Variants in SLC17A6 observed in about 807,000 individuals in gnomAD.
SLC17A6 encodes vesicular glutamate transporter 2.
Under a neutral mutation model 67.1 loss-of-function variants are expected in SLC17A6, and 35 were observed. That is an observed-to-expected ratio of 0.52 (90% CI 0.40 to 0.69). The LOEUF is 0.69. SLC17A6 is among the 30% of genes least tolerant of loss of function. The pLI, the probability that SLC17A6 is intolerant of heterozygous loss-of-function variation, is 0.00. For missense variants in SLC17A6, 588 were observed against 723.9 expected, an observed-to-expected ratio of 0.81 and a Z score of 2.15; for synonymous variants, 285 against 252.3, an observed-to-expected ratio of 1.13 and a Z score of -1.23.
intron 5 of SLC17A6, among the ~76,000 whole-genome samples, chr11:22,362,535 G>T (rs1856064918): frequency 6.6e-6 from 1 of 152,098 alleles, no homozygotes; most frequent in African/African-American, 2.4e-5. Context: ...GTAGGAGGTA[G>T]GTGTTATCCA....
intron 8 of SLC17A6, among the ~76,000 whole-genome samples, chr11:22,371,280 G>C (rs1177566450): frequency 6.6e-6 from 1 of 151,994 alleles, no homozygotes; most frequent in Non-Finnish European, 1.5e-5. Context: ...CATTACATAA[G>C]TCCAGCTGGG....
At chr11:22,355,586 C>A (rs1479483247) in intron 3 of SLC17A6, among the ~76,000 whole-genome samples, 1 of 152,104 alleles carries the variant, frequency 6.6e-6, no homozygotes, top group Non-Finnish European at 1.5e-5. Flanking sequence ...CAATAATCTC[C>A]AAGATGTCAC....
At chr11:22,376,488 T>C in intron 10 of SLC17A6, 57 bp from the exon 11 acceptor site, 1 of 1,602,702 alleles carries the variant, frequency 6.2e-7, no homozygotes, top group Non-Finnish European at 8.5e-7. Context: ...GTTCTATAGG[T>C]ATTTACTTCT....
At chr11:22,344,294 A>AT (rs762878427) in intron 3 of SLC17A6, among the ~76,000 whole-genome samples, 1 of 152,112 alleles carries the variant, frequency 6.6e-6, no homozygotes, top group Non-Finnish European at 1.5e-5. Flanking sequence ...CAAAACTCAC[A>AT]TTTTAAAGGA....
In SLC17A6 at chr11:22,376,077, G is replaced by A. The variant is rs1278267773; in HGVS notation, c.1270G>A (p.Gly424Arg). 6.2e-7 allele frequency: 1 copy of A among 1,610,092 alleles called. No individual in the cohort carries two copies. Among genetic ancestry groups the A allele is most frequent in the African/African-American group, 1.3e-5 (1 of 74,818 alleles). Residue 424 changes from glycine to arginine, a missense_variant, in exon 10 of 12, where the codon GGA becomes AGA. By Grantham distance (125) the Gly-to-Arg change is moderately radical (BLOSUM62 -2). Coordinates refer to ENST00000263160, the MANE Select transcript of SLC17A6 (RefSeq NM_020346.3). ...CTTGGTACTTGCAGTGGGATTCAGTGGATTTGCTATATCTGGTAAGATATA... is the reference window on the plus strand; with the variant it reads ...CTTGGTACTTGCAGTGGGATTCAGTAGATTTGCTATATCTGGTAAGATATA... ...SFLVLAVGFSGFAISGFNVNH... is the reference protein window; with the variant it reads ...SFLVLAVGFSRFAISGFNVNH...
At position 22,374,066 on chromosome 11, in the gene SLC17A6, C is replaced by T. The variant is rs190146576; in HGVS notation, c.1042-689C>T. Among the ~76,000 whole-genome samples the T allele has an allele frequency of 2.2e-3, 340 of 152,036 alleles. 3 individuals carry two copies. The highest frequency in any genetic ancestry group is 7.6e-3 in the African/African-American group (314 of 41,460). ...ATGCATTTTATGTATACTTACTGTC[C>T]CCATAATGCTTACAACACAGTGCTT... On this transcript the variant is annotated intron_variant, in intron 8 of 11. Transcript: ENST00000263160.
Position 22,359,497 on chromosome 11 carries a change from C to A in SLC17A6, c.543C>A (p.Ile181=), listed in dbSNP as rs1248717208. The change falls in exon 4 of 12, where the codon ATC becomes ATA. Residue 181 remains isoleucine (I), a synonymous_variant. Coordinates refer to ENST00000263160, the MANE Select transcript of SLC17A6 (RefSeq NM_020346.3). ...CCAGAGTGCATTATGGATGTGTCATCTTTGTCAGAATACTGCAGGGACTTG... is the reference window on the plus strand; with the variant it reads ...CCAGAGTGCATTATGGATGTGTCATATTTGTCAGAATACTGCAGGGACTTG... ...SAARVHYGCV[I]FVRILQGLVE... 37 of 1,607,446 alleles carry A rather than the reference C, an allele frequency of 2.3e-5. No individual in the cohort carries two copies. The highest frequency in any genetic ancestry group is 3.0e-5 in the Non-Finnish European group (35 of 1,176,588).
intron 3 of SLC17A6, among the ~76,000 whole-genome samples, chr11:22,346,861 A>G (rs989957315): frequency 6.1e-5 from 9 of 148,432 alleles, no homozygotes; most frequent in African/African-American, 1.5e-4. Context: ...ATAAATATAC[A>G]TTTTTTTTGC....
chr11:22,347,172 A>G (rs549368373), intron 3 of SLC17A6, among the ~76,000 whole-genome samples: 1 of 151,824 alleles, frequency 6.6e-6, no homozygotes, highest in African/African-American at 2.4e-5. Context: ...CTAGTATCTC[A>G]GAGAGTACCT....
Position 22,365,615 on chromosome 11 carries a change from A to G in SLC17A6, c.817A>G (p.Thr273Ala), listed in dbSNP as rs570403497. 1.9e-6 allele frequency: 3 copies of G among 1,613,982 alleles called. No individual in the cohort carries two copies. The East Asian group carries it at 6.7e-5, about 36-fold the overall frequency. ...VSYESPAKHPTITDEERRYIE... is the reference protein window; with the variant it reads ...VSYESPAKHPAITDEERRYIE... ...TTATGAAAGTCCTGCAAAGCATCCT[A>G]CTATTACAGATGAAGAACGTAGGTA... The change falls in exon 7 of 12, where the codon ACT becomes GCT. Residue 273 changes from threonine to alanine, a missense_variant. By Grantham distance (58) the Thr-to-Ala change is moderately conservative. Around this residue, in one of 4 missense-constraint regions of SLC17A6, gnomAD observed 414 missense variants for 563.4 expected, o/e 0.73. Transcript: ENST00000263160.
rs1485360839 is a variant in SLC17A6 at position 22,365,695 on chromosome 11, A to G, written c.891+6A>G. On this transcript the variant is annotated splice_donor_region_variant and intron_variant, in intron 7 of 11. Coordinates refer to ENST00000263160, the MANE Select transcript of SLC17A6 (RefSeq NM_020346.3). ...ATCTTTTAGGTGCAATGGAAGTAAG[A>G]AATTTATTATGGTGTATATTCCTAT... 9 of 1,612,410 alleles carry G rather than the reference A, an allele frequency of 5.6e-6. No homozygotes were observed. The East Asian group carries it at 2.0e-4, about 36-fold the overall frequency.
intron 3 of SLC17A6, among the ~76,000 whole-genome samples, chr11:22,351,753 G>T (rs1378573258): frequency 6.6e-6 from 1 of 152,048 alleles, no homozygotes; most frequent in Non-Finnish European, 1.5e-5. Flanking sequence ...TACTTGGGAG[G>T]TTTTCATTGT....
At chr11:22,343,209 A>G (rs757214206) in intron 2 of SLC17A6, 38 bp from the exon 3 acceptor site, 45 of 1,525,138 alleles carry the variant, frequency 3.0e-5, no homozygotes, top group Middle Eastern at 1.7e-4. Context: ...TACTGACTCT[A>G]CTCTTTCCCT....
intron 1 of SLC17A6, among the ~76,000 whole-genome samples, chr11:22,341,054 C>T (rs955280913): frequency 1.3e-5 from 2 of 152,214 alleles, no homozygotes; most frequent in East Asian, 3.9e-4. Flanking sequence ...CCGCCTGCAG[C>T]GGAGCAGCTC....
At chr11:22,376,491 T>C (rs1201108141) in intron 10 of SLC17A6, 54 bp from the exon 11 acceptor site, 2 of 1,608,176 alleles carry the variant, frequency 1.2e-6, no homozygotes, top group Admixed American at 1.7e-5. Flanking sequence ...CTATAGGTAT[T>C]TACTTCTAAG....
intron 3 of SLC17A6, among the ~76,000 whole-genome samples, chr11:22,348,409 T>C (rs1034045566): frequency 6.6e-6 from 1 of 152,222 alleles, no homozygotes; most frequent in African/African-American, 2.4e-5. Flanking sequence ...TGTGTGTGTG[T>C]ACTGGCTCCC....
At chr11:22,367,852 C>T (rs1856129989) in intron 7 of SLC17A6, among the ~76,000 whole-genome samples, 1 of 152,140 alleles carries the variant, frequency 6.6e-6, no homozygotes. Context: ...TTACTTCTTA[C>T]TGATGTTTCA....
intron 3 of SLC17A6, among the ~76,000 whole-genome samples, chr11:22,345,973 T>C (rs1855871284): frequency 6.6e-6 from 1 of 152,222 alleles, no homozygotes; most frequent in South Asian, 2.1e-4. Flanking sequence ...TACAAGTTGT[T>C]TGAAAGACGT....
At chr11:22,377,047 A>G (rs986982458) in intron 11 of SLC17A6, among the ~76,000 whole-genome samples, 5 of 152,142 alleles carry the variant, frequency 3.3e-5, no homozygotes, top group Admixed American at 6.6e-5. Context: ...AGCTATTTGT[A>G]CTTATATGTG....
Sources: allele counts gnomAD v4.1 joint callset (sites outside exome capture counted in the v4.1 genomes callset), GRCh38; gene constraint gnomAD v4.1.1; regional missense constraint gnomAD v4.1.1; transcripts MANE v1.5; gene names NCBI Gene and HGNC (gene_info 2026-07-23, HGNC 2026-07-21).